The following HPSE2 variants were observed in gnomAD, a reference collection of about 807,000 sequenced individuals.
HPSE2 encodes heparanase 2 (inactive).
In HPSE2, 38 loss-of-function variants were observed where a neutral mutation model predicts 60.5. The ratio of observed to expected loss-of-function variants is 0.63; its 90% CI spans 0.48 to 0.82. The LOEUF is 0.82. HPSE2 is among the 40% of genes least tolerant of loss of function. HPSE2 has a pLI of 0.00. For synonymous variants in HPSE2, 295 were observed against 293.2 expected, an observed-to-expected ratio of 1.01 and a Z score of -0.06; for missense variants, 713 against 740.4, an observed-to-expected ratio of 0.96 and a Z score of 0.43.
chr10:98,908,831 T>C (rs1171412308), intron 3 of HPSE2, among the ~76,000 whole-genome samples: 2 of 151,912 alleles, frequency 1.3e-5, no homozygotes, highest in African/African-American at 4.8e-5. Flanking sequence ...TTGTGGGTAA[T>C]ATGCTTAAAA....
At chr10:98,729,124 G>A (rs373439960) in intron 4 of HPSE2, among the ~76,000 whole-genome samples, 2 of 152,002 alleles carry the variant, frequency 1.3e-5, no homozygotes, top group East Asian at 1.9e-4. Context: ...AAAATGCCAC[G>A]AGATAAATGG....
At chr10:99,176,168 C>A (rs948648544) in intron 2 of HPSE2, among the ~76,000 whole-genome samples, 2 of 152,150 alleles carry the variant, frequency 1.3e-5, no homozygotes, top group Non-Finnish European at 2.9e-5. Flanking sequence ...TGAGGAAAAA[C>A]CAGCACAAAA....
chr10:99,013,605 G>A (rs1957067781), intron 3 of HPSE2, among the ~76,000 whole-genome samples: 1 of 151,988 alleles, frequency 6.6e-6, no homozygotes, highest in South Asian at 2.1e-4. Context: ...CCGAGTAGCT[G>A]GTATTACAGG....
At chr10:98,565,505 C>A (rs1327764327) in intron 9 of HPSE2, among the ~76,000 whole-genome samples, 1 of 152,138 alleles carries the variant, frequency 6.6e-6, no homozygotes, top group Admixed American at 6.5e-5. Flanking sequence ...AGGACATGAT[C>A]TCATTCTTTT....
At chr10:98,745,882 G>A (rs1207854265) in intron 3 of HPSE2, among the ~76,000 whole-genome samples, 1 of 152,168 alleles carries the variant, frequency 6.6e-6, no homozygotes, top group Non-Finnish European at 1.5e-5. Context: ...ATGATGCAGA[G>A]TGTCCAAGTT....
chr10:99,278,492 G>A, the HPSE2 span, among the ~76,000 whole-genome samples: 50,327 of 151,888 alleles, frequency 0.33, 11,288 homozygotes, highest in African/African-American at 0.65. Flanking sequence ...TTCTATACAG[G>A]AATGGCTGTG....
rs145839634 is a variant in HPSE2, at chr10:99,136,698, T to C, written c.610+7540A>G. On this transcript the variant is annotated intron_variant, in intron 3 of 11. Transcript: ENST00000370552. Reference sequence around the variant, plus strand: ...TTTGACAAAATTCAACACCCCTTCATGCTAAAATCTCTCAATAAACTGGGT... The same window carrying C: ...TTTGACAAAATTCAACACCCCTTCACGCTAAAATCTCTCAATAAACTGGGT... Among the ~76,000 whole-genome samples the C allele has an allele frequency of 4.4e-3, 677 of 152,286 alleles. 7 individuals are homozygous for C. The highest frequency in any genetic ancestry group is 6.4e-3 in the Non-Finnish European group (434 of 68,014).
At chr10:99,150,188 T>C (rs10748763) in intron 2 of HPSE2, among the ~76,000 whole-genome samples, 75,095 of 152,082 alleles carry the variant, frequency 0.49, 20,996 homozygotes, top group East Asian at 0.65. Context: ...TTTCTGGACA[T>C]CTAGGTATAA....
At chr10:98,869,738 G>A (rs1952683301) in intron 3 of HPSE2, among the ~76,000 whole-genome samples, 2 of 152,088 alleles carry the variant, frequency 1.3e-5, no homozygotes, top group African/African-American at 4.8e-5. Context: ...AAAGAAATAA[G>A]AATTTTGATC....
intron 3 of HPSE2, among the ~76,000 whole-genome samples, chr10:99,029,960 G>A (rs545645844): frequency 9.2e-5 from 14 of 152,264 alleles, no homozygotes; most frequent in African/African-American, 2.6e-4. Flanking sequence ...GCCTGGCAAC[G>A]GGCATCTTCC....
At chr10:99,217,657 G>T (rs988087864) in intron 2 of HPSE2, among the ~76,000 whole-genome samples, 7 of 152,066 alleles carry the variant, frequency 4.6e-5, no homozygotes, top group African/African-American at 1.7e-4. Flanking sequence ...GCAGTGGGAT[G>T]ATTATGTCTC....
At chr10:99,147,390 A>G (rs1484662509) in intron 2 of HPSE2, among the ~76,000 whole-genome samples, 1 of 152,234 alleles carries the variant, frequency 6.6e-6, no homozygotes, top group Admixed American at 6.5e-5. Context: ...CTTGTATCAA[A>G]ACATACTATA....
At chr10:98,998,323 A>C (rs1956696186) in intron 3 of HPSE2, among the ~76,000 whole-genome samples, 1 of 152,136 alleles carries the variant, frequency 6.6e-6, no homozygotes, top group Non-Finnish European at 1.5e-5. Context: ...AAAGAAGAAA[A>C]TTTTCAGTGG....
chr10:98,582,915 C>T (rs951723368), intron 9 of HPSE2, among the ~76,000 whole-genome samples: 5 of 152,056 alleles, frequency 3.3e-5, no homozygotes, highest in African/African-American at 1.2e-4. Flanking sequence ...GTACCCCCTG[C>T]CACCCCCAAC....
intron 3 of HPSE2, among the ~76,000 whole-genome samples, chr10:98,970,043 C>A (rs934513221): frequency 6.6e-6 from 1 of 151,868 alleles, no homozygotes; most frequent in African/African-American, 2.4e-5. Flanking sequence ...CTCACTGCAA[C>A]CTCTGCCTCC....
chr10:99,305,332 C>T, the HPSE2 span, among the ~76,000 whole-genome samples: 3 of 152,040 alleles, frequency 2.0e-5, no homozygotes, highest in African/African-American at 4.8e-5. Flanking sequence ...AACAAAGGAC[C>T]CCAGGCTCTC....
At chr10:98,796,049 G>A (rs1950772433) in intron 3 of HPSE2, among the ~76,000 whole-genome samples, 1 of 152,020 alleles carries the variant, frequency 6.6e-6, no homozygotes, top group African/African-American at 2.4e-5. Flanking sequence ...ATTGGCTTTG[G>A]GCTCTGAGAT....
intron 3 of HPSE2, among the ~76,000 whole-genome samples, chr10:99,129,825 TAAAAG>T (rs1845311316): frequency 7.2e-6 from 1 of 139,614 alleles, no homozygotes; most frequent in Non-Finnish European, 1.6e-5. Context: ...AAAAAAAAGA[TAAAAG>T]AAACAAAAAG....
At chr10:98,944,174 G>C (rs986292628) in intron 3 of HPSE2, among the ~76,000 whole-genome samples, 1 of 152,120 alleles carries the variant, frequency 6.6e-6, no homozygotes, top group Non-Finnish European at 1.5e-5. Context: ...GACAGGTAAT[G>C]AGCTCAAGAA....
Sources: gnomAD v4.1 joint callset for allele counts (sites outside exome capture counted in the v4.1 genomes callset) on GRCh38, gnomAD v4.1.1 for gene constraint, MANE v1.5 for transcripts, NCBI Gene and HGNC (gene_info 2026-07-23, HGNC 2026-07-21) for gene names.